ZNF366: variants seen among roughly 807,000 people sequenced by gnomAD.
The protein encoded by ZNF366 is dendritic cell-specific transcript protein.
ZNF366 carries 20 observed loss-of-function variants against 47.2 expected under a neutral mutation model. The ratio of observed to expected loss-of-function variants is 0.42; its 90% CI spans 0.30 to 0.62. The LOEUF (loss-of-function observed/expected upper bound fraction) is 0.62. Ranked by LOEUF, ZNF366 falls within the 20% of genes least tolerant of loss-of-function variation. The probability of loss-of-function intolerance (pLI) is 0.16; values close to 1 mark genes in which losing one functional copy is unlikely to be tolerated. For missense variants in ZNF366, 987 were observed against 976.3 expected (o/e 1.01, Z -0.15); for synonymous variants, 421 against 395.1 (o/e 1.07, Z -0.78).
intron 1 of ZNF366, among the ~76,000 whole-genome samples, chr5:72,491,946 TG>T (rs1420754083): frequency 2.0e-5 from 3 of 152,194 alleles, no homozygotes; most frequent in Non-Finnish European, 2.9e-5. Flanking sequence ...CCAAAACCCC[TG>T]GGATGGTGGT....
intron 4 of ZNF366, among the ~76,000 whole-genome samples, chr5:72,445,622 G>A (rs1184211832): frequency 2.6e-5 from 4 of 152,200 alleles, no homozygotes; most frequent in Non-Finnish European, 4.4e-5. Flanking sequence ...GAACAACAGA[G>A]CTGTTAGGTG....
chr5:72,456,641 T>C, intron 2 of ZNF366, 46 bp from the exon 3 acceptor site: 1 of 1,530,364 alleles, frequency 6.5e-7, no homozygotes, highest in Non-Finnish European at 8.9e-7. Flanking sequence ...ACAGGTAACA[T>C]GCTTTCATCA....
At chr5:72,495,034 G>A (rs1025257576) in intron 1 of ZNF366, among the ~76,000 whole-genome samples, 10 of 152,064 alleles carry the variant, frequency 6.6e-5, no homozygotes, top group African/African-American at 2.2e-4. Context: ...TGGAATCTTG[G>A]AAGAAGTTTC....
At chr5:72,451,047 A>T (rs577119158) in intron 3 of ZNF366, among the ~76,000 whole-genome samples, 14 of 152,258 alleles carry the variant, frequency 9.2e-5, no homozygotes, top group Admixed American at 2.6e-4. Flanking sequence ...CAGCCATTGA[A>T]GTCAAGGTCT....
At chr5:72,454,011 C>T (rs1288786325) in intron 3 of ZNF366, among the ~76,000 whole-genome samples, 1 of 152,194 alleles carries the variant, frequency 6.6e-6, no homozygotes, top group Non-Finnish European at 1.5e-5. Flanking sequence ...TGCAAATGAC[C>T]AGTCCAATTC....
At chr5:72,488,910 A>G (rs1743948765) in intron 1 of ZNF366, among the ~76,000 whole-genome samples, 1 of 152,218 alleles carries the variant, frequency 6.6e-6, no homozygotes, top group African/African-American at 2.4e-5. Context: ...AACAGAGACA[A>G]TAATACTTTA....
At position 72,447,347 on chromosome 5, in the gene ZNF366, G is replaced by A; in HGVS notation, c.1595C>T (p.Pro532Leu). ...GHMHLHSDSK[P>L]FKCLYCPSKF... ...GCTTGGGCAATAGAGGCACTTGAAG[G>A]GTTTGCTGTCTGAGTGCAGGTGCAT... Residue 532 changes from proline (P) to leucine (L), a missense_variant, in exon 4 of 5, where the codon CCC becomes CTC. Physicochemically the swap from Pro to Leu is moderately conservative, Grantham distance 98 (BLOSUM62 -3). Transcript: ENST00000318442. 1.2e-6 allele frequency: 2 copies of A among 1,614,206 alleles called. No homozygotes were observed. Among genetic ancestry groups the A allele is most frequent in the Non-Finnish European group, 1.7e-6 (2 of 1,180,042 alleles).
chr5:72,489,948 A>T (rs1458069547), intron 1 of ZNF366, among the ~76,000 whole-genome samples: 1 of 152,210 alleles, frequency 6.6e-6, no homozygotes, highest in African/African-American at 2.4e-5. Context: ...TCTCATGGGG[A>T]CACATTTCTG....
intron 1 of ZNF366, among the ~76,000 whole-genome samples, chr5:72,481,854 C>T (rs1447378617): frequency 1.3e-5 from 2 of 152,150 alleles, no homozygotes; most frequent in Non-Finnish European, 2.9e-5. Flanking sequence ...GTTTAGTTCC[C>T]CCCAAACCCC....
chr5:72,487,423 T>C (rs1260876300), intron 1 of ZNF366, among the ~76,000 whole-genome samples: 1 of 152,232 alleles, frequency 6.6e-6, no homozygotes, highest in Non-Finnish European at 1.5e-5. Context: ...ATAAAAAATG[T>C]GGTTCCCTAA....
chr5:72,504,059 G>T lies in ZNF366; in HGVS notation c.-15+3192C>A, dbSNP rs76700370. Among the ~76,000 whole-genome samples the T allele has an allele frequency of 4.3e-3, 651 of 151,690 alleles. 4 individuals are homozygous for T. The highest frequency in any genetic ancestry group is 0.013 in the East Asian group (66 of 5,142). Reference sequence around the variant, plus strand: ...CACACACACACATGCACACACGCACGCACACACGCACGCACACACACATGC... The same window carrying T: ...CACACACACACATGCACACACGCACTCACACACGCACGCACACACACATGC... On this transcript the variant is annotated intron_variant, in intron 1 of 4. Coordinates refer to ENST00000318442, the MANE Select transcript of ZNF366 (RefSeq NM_152625.3).
At chr5:72,489,166 A>G (rs577397480) in intron 1 of ZNF366, among the ~76,000 whole-genome samples, 7 of 152,256 alleles carry the variant, frequency 4.6e-5, no homozygotes, top group South Asian at 2.1e-4. Context: ...ACTTGAGCCC[A>G]GGAGCTCAAG....
At position 72,444,163 on chromosome 5, in the gene ZNF366, T is replaced by C. The variant is rs758181400; in HGVS notation, c.1828A>G (p.Ser610Gly). 16 of 1,613,558 alleles carry C rather than the reference T, an allele frequency of 9.9e-6. 2 individuals are homozygous for C. The South Asian group carries it at 1.8e-4, about 18-fold the overall frequency. Residue 610 changes from serine to glycine, a missense_variant, in exon 5 of 5, where the codon AGT (serine) becomes GGT (glycine). By Grantham distance (56) the Ser-to-Gly change is moderately conservative. Transcript: ENST00000318442. ...TCGTGGCAGTGGCTGCCCTGGGCAC[T>C]CTCCCCGTCTGACTGGAACACCGGC... ...KVPVFQSDGESAQGSHCHEEE... is the reference protein window; with the variant it reads ...KVPVFQSDGEGAQGSHCHEEE...
intron 1 of ZNF366, among the ~76,000 whole-genome samples, chr5:72,488,213 A>AG (rs1743931033): frequency 1.4e-5 from 2 of 144,154 alleles, no homozygotes; most frequent in African/African-American, 4.9e-5. Context: ...CCCATCTGAA[A>AG]GAAAAAAAAA....
At chr5:72,453,842 T>C (rs532914670) in intron 3 of ZNF366, among the ~76,000 whole-genome samples, 2 of 152,322 alleles carry the variant, frequency 1.3e-5, no homozygotes, top group African/African-American at 4.8e-5. Flanking sequence ...GTTTCACAAA[T>C]GGCTAAGAAT....
At chr5:72,469,540 A>T (rs1004596805) in intron 1 of ZNF366, among the ~76,000 whole-genome samples, 16 of 152,212 alleles carry the variant, frequency 1.1e-4, no homozygotes, top group Non-Finnish European at 2.1e-4. Flanking sequence ...GAACAGGGTT[A>T]TGAGAATTTA....
chr5:72,458,792 CTGTT>C (rs1743245101), intron 2 of ZNF366, among the ~76,000 whole-genome samples: 1 of 152,236 alleles, frequency 6.6e-6, no homozygotes, highest in South Asian at 2.1e-4. Flanking sequence ...CTACCTCTCA[CTGTT>C]TGCTGACACC....
chr5:72,501,567 T>C (rs1446336366), intron 1 of ZNF366, among the ~76,000 whole-genome samples: 1 of 152,210 alleles, frequency 6.6e-6, no homozygotes, highest in East Asian at 1.9e-4. Context: ...AAGGGTATTG[T>C]GCTCAACAAG....
At chr5:72,453,942 G>A (rs1216552329) in intron 3 of ZNF366, among the ~76,000 whole-genome samples, 5 of 152,182 alleles carry the variant, frequency 3.3e-5, no homozygotes, top group Non-Finnish European at 7.3e-5. Context: ...TCTCTAGGGA[G>A]CCTCCTGACC....
Sources: allele counts gnomAD v4.1 joint callset (sites outside exome capture counted in the v4.1 genomes callset), GRCh38; gene constraint gnomAD v4.1.1; transcripts MANE v1.5; gene names NCBI Gene and HGNC (gene_info 2026-07-23, HGNC 2026-07-21).